The following LOC128092252 variants were observed in gnomAD, a reference collection of about 807,000 sequenced individuals.
the LOC128092252 span, among the ~76,000 whole-genome samples, chr15:50,666,160 T>G: frequency 6.6e-6 from 1 of 152,136 alleles, no homozygotes; most frequent in South Asian, 2.1e-4. Context: ...AAGTTGGTTC[T>G]TAGGTTAACA....
chr15:50,671,869 C>A, the LOC128092252 span, among the ~76,000 whole-genome samples: 1 of 152,072 alleles, frequency 6.6e-6, no homozygotes, highest in Non-Finnish European at 1.5e-5. Flanking sequence ...ACCAGGACTA[C>A]TTGGGTATTT....
chr15:50,675,828 G>C, the LOC128092252 span, among the ~76,000 whole-genome samples: 1 of 152,312 alleles, frequency 6.6e-6, no homozygotes, highest in African/African-American at 2.4e-5. Flanking sequence ...GTAGAGCAGG[G>C]AATCTTAAAG....
the LOC128092252 span, among the ~76,000 whole-genome samples, chr15:50,677,612 G>A: frequency 6.6e-6 from 1 of 151,578 alleles, no homozygotes; most frequent in Non-Finnish European, 1.5e-5. Flanking sequence ...GGTGTCACGC[G>A]CCTGTAATCC....
At chr15:50,652,705 T>C in the LOC128092252 span, among the ~76,000 whole-genome samples, 1 of 152,104 alleles carries the variant, frequency 6.6e-6, no homozygotes. Context: ...AGACTCATTC[T>C]GCTTTGGAAA....
chr15:50,679,901 A>C, the LOC128092252 span, among the ~76,000 whole-genome samples: 1 of 152,022 alleles, frequency 6.6e-6, no homozygotes, highest in South Asian at 2.1e-4. Flanking sequence ...TTTCTAATCT[A>C]CTAAGGATTG....
chr15:50,655,218 G>A, the LOC128092252 span, among the ~76,000 whole-genome samples: 4 of 149,798 alleles, frequency 2.7e-5, 1 homozygote, highest in South Asian at 8.5e-4. Flanking sequence ...GGCGAATCAC[G>A]AGGTCAGGAG....
the LOC128092252 span, among the ~76,000 whole-genome samples, chr15:50,676,490 G>A: frequency 6.6e-6 from 1 of 152,010 alleles, no homozygotes; most frequent in South Asian, 2.1e-4. Flanking sequence ...AGGCCAAGAT[G>A]GGAGGACTGC....
chr15:50,673,727 T>C, the LOC128092252 span, among the ~76,000 whole-genome samples: 6 of 152,312 alleles, frequency 3.9e-5, no homozygotes, highest in East Asian at 5.8e-4. Flanking sequence ...TGAATTACGC[T>C]GCTATAAACA....
the LOC128092252 span, among the ~76,000 whole-genome samples, chr15:50,679,396 C>A: frequency 6.8e-6 from 1 of 147,598 alleles, no homozygotes; most frequent in South Asian, 2.1e-4. Context: ...GCCATATCAA[C>A]CCATTATCTA....
chr15:50,667,327 C>T, the LOC128092252 span, among the ~76,000 whole-genome samples: 2 of 152,166 alleles, frequency 1.3e-5, no homozygotes, highest in East Asian at 3.8e-4. Context: ...AATGAAAGAC[C>T]TTACAACTGA....
chr15:50,674,730 T>C, the LOC128092252 span, among the ~76,000 whole-genome samples: 2,564 of 152,298 alleles, frequency 0.017, 35 homozygotes, highest in South Asian at 0.038. Flanking sequence ...GTCTAGTCTC[T>C]GAGCTTTTGT....
At chr15:50,668,256 C>T in the LOC128092252 span, among the ~76,000 whole-genome samples, 4 of 152,172 alleles carry the variant, frequency 2.6e-5, no homozygotes, top group African/African-American at 9.6e-5. Flanking sequence ...GGAATGTTCA[C>T]GTGTATCAAA....
the LOC128092252 span, among the ~76,000 whole-genome samples, chr15:50,662,165 A>G: frequency 6.6e-6 from 1 of 152,322 alleles, no homozygotes; most frequent in Non-Finnish European, 1.5e-5. Flanking sequence ...CATCCTGGCT[A>G]ACATGGTGAA....
At chr15:50,675,220 G>A in the LOC128092252 span, among the ~76,000 whole-genome samples, 1 of 151,926 alleles carries the variant, frequency 6.6e-6, no homozygotes, top group Non-Finnish European at 1.5e-5. Flanking sequence ...GCGGGCACCT[G>A]TAACCTCAGC....
the LOC128092252 span, among the ~76,000 whole-genome samples, chr15:50,666,669 G>A: frequency 2.0e-5 from 3 of 152,092 alleles, no homozygotes. Context: ...AGGCATGGTG[G>A]TGCATGCCTA....
the LOC128092252 span, among the ~76,000 whole-genome samples, chr15:50,654,708 C>A: frequency 1.3e-5 from 2 of 150,936 alleles, no homozygotes. Context: ...AATGAAAATT[C>A]ACTGGATGGG....
the LOC128092252 span, among the ~76,000 whole-genome samples, chr15:50,669,938 T>A: frequency 6.6e-6 from 1 of 152,230 alleles, no homozygotes; most frequent in African/African-American, 2.4e-5. Flanking sequence ...TTTACTTATT[T>A]TGCTTTACTG....
the LOC128092252 span, among the ~76,000 whole-genome samples, chr15:50,660,350 C>T: frequency 6.6e-6 from 1 of 151,900 alleles, no homozygotes; most frequent in African/African-American, 2.4e-5. Flanking sequence ...AAAATATATA[C>T]TATTATAATT....
At chr15:50,679,519 T>TATAC in the LOC128092252 span, among the ~76,000 whole-genome samples, 5 of 18,058 alleles carry the variant, frequency 2.8e-4, no homozygotes, top group African/African-American at 7.2e-4. Flanking sequence ...ATAATATATA[T>TATAC]ATATATATAT....
Sources: allele counts gnomAD v4.1 joint callset (sites outside exome capture counted in the v4.1 genomes callset), GRCh38; gene constraint gnomAD v4.1.1; transcripts MANE v1.5.